The following MAMLD1 variants were observed in gnomAD, a reference collection of about 807,000 sequenced individuals.
MAMLD1 encodes the protein mastermind-like domain-containing protein 1.
Under a neutral mutation model 45.0 loss-of-function variants are expected in MAMLD1, and 14 were observed. The observed-to-expected ratio is 0.31, with a 90% CI of 0.21 to 0.49. The LOEUF is 0.49. MAMLD1 is among the 20% of genes least tolerant of loss of function. MAMLD1 has a pLI of 0.99. For synonymous variants in MAMLD1, 254 were observed against 247.8 expected (o/e 1.02, Z -0.24); for missense variants, 543 against 603.6 (o/e 0.90, Z 1.05).
intron 1 of MAMLD1, among the ~76,000 whole-genome samples, chrX:150,432,468 C>A (rs1021403248): frequency 9.0e-6 from 1 of 111,287 alleles, no homozygotes; most frequent in Non-Finnish European, 1.9e-5. Flanking sequence ...TTGCTTTTGG[C>A]ATATTTGTCA....
At chrX:150,496,485 C>T (rs5924738) in intron 5 of MAMLD1, among the ~76,000 whole-genome samples, 48,986 of 111,136 alleles carry the variant, frequency 0.44, 8,973 homozygotes, top group Non-Finnish European at 0.59. Context: ...ACATTTACAG[C>T]GTTTCACTCA....
intron 1 of MAMLD1, among the ~76,000 whole-genome samples, chrX:150,375,538 T>C (rs1807383151): frequency 8.9e-6 from 1 of 112,663 alleles, no homozygotes; most frequent in Non-Finnish European, 1.9e-5. Flanking sequence ...TAGGAACCTT[T>C]TGGAAAGAAA....
intron 4 of MAMLD1, among the ~76,000 whole-genome samples, chrX:150,471,781 A>C (rs1477025847): frequency 6.2e-5 from 7 of 112,257 alleles, no homozygotes; most frequent in Non-Finnish European, 1.3e-4. Context: ...GACAAGTCCG[A>C]ATACAGAAAT....
intron 1 of MAMLD1, among the ~76,000 whole-genome samples, chrX:150,403,923 A>AAG (rs2033891854): frequency 1.2e-5 from 1 of 81,608 alleles, no homozygotes; most frequent in African/African-American, 4.3e-5. Flanking sequence ...AAAAGAAAGA[A>AAG]AGACAGAGAA....
At chrX:150,459,619 A>G (rs1459950320) in intron 2 of MAMLD1, among the ~76,000 whole-genome samples, 1 of 109,661 alleles carries the variant, frequency 9.1e-6, no homozygotes, top group African/African-American at 3.3e-5. Context: ...CATCTGTACA[A>G]TGAGGGTGGG....
intron 1 of MAMLD1, among the ~76,000 whole-genome samples, chrX:150,421,391 G>A (rs1315639363): frequency 1.8e-5 from 2 of 112,710 alleles, no homozygotes; most frequent in Non-Finnish European, 1.9e-5. Context: ...GAAATCACCC[G>A]TCTTCTGCGT....
rs2032334895 is a variant in MAMLD1 at position 150,376,729 on chromosome X, T to C, written c.-64+13199T>C. On this transcript the variant is annotated intron_variant, in intron 1 of 7. Coordinates refer to ENST00000370401, the MANE Select transcript of MAMLD1 (RefSeq NM_005491.5). ...GTTAACAGTAAATATTTAATTTTCT[T>C]GGTTTTGTACCAATGCCTAATTTAA... 3.6e-5 allele frequency among the ~76,000 whole-genome samples: 4 copies of C among 111,747 alleles called. 1 individual carries two copies. In the South Asian group the frequency reaches 1.5e-3, roughly 42 times the overall value.
At chrX:150,480,082 T>G in intron 5 of MAMLD1, among the ~76,000 whole-genome samples, 1 of 112,106 alleles carries the variant, frequency 8.9e-6, no homozygotes, top group Non-Finnish European at 1.9e-5. Context: ...ACTTCCAGCT[T>G]CTGACTCTCA....
chrX:150,418,124 T>G (rs1253887843), intron 1 of MAMLD1, among the ~76,000 whole-genome samples: 1 of 111,918 alleles, frequency 8.9e-6, no homozygotes, highest in Non-Finnish European at 1.9e-5. Context: ...GCTCCTGTTA[T>G]TGGTCTATTC....
intron 1 of MAMLD1, among the ~76,000 whole-genome samples, chrX:150,443,390 T>TTTTTA (rs77742506): frequency 0.096 from 10,265 of 106,711 alleles, 504 homozygotes; most frequent in East Asian, 0.14. Flanking sequence ...TGATCATTTC[T>TTTTTA]TTTTATTTTA....
chrX:150,421,309 G>A (rs1323927321), intron 1 of MAMLD1, among the ~76,000 whole-genome samples: 13 of 112,032 alleles, frequency 1.2e-4, no homozygotes, highest in South Asian at 7.5e-4. Context: ...CACGGTGCAC[G>A]CACCCACTGA....
rs2037627148 is a variant in MAMLD1, at chrX:150,503,478, C to T, written c.2245C>T (p.Gln749Ter). 2 of 1,196,368 alleles carry T rather than the reference C, an allele frequency of 1.7e-6. No homozygotes were observed. Among genetic ancestry groups the T allele is most frequent in the South Asian group, 1.8e-5 (1 of 56,218 alleles). The change falls in exon 6 of 8, where the codon CAG (glutamine) becomes TAG (stop). Residue 749 changes from glutamine to a stop codon, truncating the protein, a stop_gained. Coordinates refer to ENST00000370401, the MANE Select transcript of MAMLD1 (RefSeq NM_005491.5). LOFTEE classifies it high-confidence loss of function. ...CAGCTGGGATCCGAAGGCCTGGAGG[C>T]AGGTGCCCGCTCCACTACTGCCTAG... Reference protein sequence around the residue: ...WGSWDPKAWRQVPAPLLPSCD... With the variant: ...WGSWDPKAWR
At chrX:150,378,852 C>T (rs1557401531) in intron 1 of MAMLD1, among the ~76,000 whole-genome samples, 1 of 111,212 alleles carries the variant, frequency 9.0e-6, no homozygotes, top group Non-Finnish European at 1.9e-5. Context: ...TGAGCGCGCC[C>T]TTAATTTCTG....
At chrX:150,414,438 A>G (rs144525140) in intron 1 of MAMLD1, among the ~76,000 whole-genome samples, 81 of 111,141 alleles carry the variant, frequency 7.3e-4, no homozygotes, top group African/African-American at 2.6e-3. Context: ...ACTGAATCTA[A>G]AGGCCATGGA....
intron 1 of MAMLD1, among the ~76,000 whole-genome samples, chrX:150,403,152 C>T (rs2033862074): frequency 9.0e-6 from 1 of 111,704 alleles, no homozygotes; most frequent in African/African-American, 3.3e-5. Context: ...ATCCATGCTA[C>T]ATCATGGAGG....
chrX:150,513,228 AT>A lies in MAMLD1; in HGVS notation c.*1274del. On this transcript the variant is annotated 3_prime_UTR_variant, in exon 8 of 8. Coordinates refer to ENST00000370401, the MANE Select transcript of MAMLD1 (RefSeq NM_005491.5). ...CCTGTGACAAAATGGAAAGCTGGTGATTTTTCAAGCTACGTGTACATATTTG... is the reference window on the plus strand; with the variant it reads ...CCTGTGACAAAATGGAAAGCTGGTGATTTTCAAGCTACGTGTACATATTTG... The A allele has an allele frequency of 2.1e-6, 1 of 476,028 alleles. No homozygotes were observed. Among genetic ancestry groups the A allele is most frequent in the Non-Finnish European group, 3.4e-6 (1 of 294,085 alleles). The allele number at this position is 476,028 out of a possible 1,213,427, so 39.2% of individuals were successfully genotyped here. A position where few individuals can be genotyped will look rare whatever the true frequency, so the allele number is the denominator to read the frequency against.
intron 1 of MAMLD1, among the ~76,000 whole-genome samples, chrX:150,363,936 T>C (rs2124431949): frequency 8.8e-6 from 1 of 113,184 alleles, no homozygotes; most frequent in African/African-American, 3.2e-5. Context: ...CGACGGTGCC[T>C]TCACATGCCA....
At chrX:150,474,914 C>T (rs1207462258) in intron 5 of MAMLD1, among the ~76,000 whole-genome samples, 1 of 111,517 alleles carries the variant, frequency 9.0e-6, no homozygotes, top group Non-Finnish European at 1.9e-5. Flanking sequence ...AGAACTCAGC[C>T]CTGGTCATTC....
At chrX:150,383,919 G>A (rs1435058547) in intron 1 of MAMLD1, among the ~76,000 whole-genome samples, 7 of 111,584 alleles carry the variant, frequency 6.3e-5, no homozygotes, top group Non-Finnish European at 7.5e-5. Context: ...CTTCATCCAT[G>A]TTGTAGCTTG....
Sources: gnomAD v4.1 joint callset for allele counts (sites outside exome capture counted in the v4.1 genomes callset) on GRCh38, gnomAD v4.1.1 for gene constraint, MANE v1.5 for transcripts, NCBI Gene and HGNC (gene_info 2026-07-23, HGNC 2026-07-21) for gene names.